The following ABCA13 variants were observed in gnomAD, a reference collection of about 807,000 sequenced individuals.
ABCA13 encodes the protein ATP-binding cassette sub-family A member 13.
A neutral mutation model predicts 478.7 loss-of-function variants in ABCA13; 476 were observed. The observed-to-expected ratio is 0.99, with a 90% CI of 0.92 to 1.07. ABCA13 has a LOEUF of 1.07. ABCA13 is among the 50% of genes least tolerant of loss of function. The pLI, the probability that ABCA13 is intolerant of heterozygous loss-of-function variation, is 0.00. For missense variants in ABCA13, 6,060 were observed against 5,910.6 expected, an observed-to-expected ratio of 1.03 and a Z score of -0.83; for synonymous variants, 2,252 against 2,158.9, an observed-to-expected ratio of 1.04 and a Z score of -1.20.
At chr7:48,439,392 T>C (rs546488574) in intron 42 of ABCA13, among the ~76,000 whole-genome samples, 1 of 152,282 alleles carries the variant, frequency 6.6e-6, no homozygotes, top group South Asian at 2.1e-4. Flanking sequence ...AATCATATTT[T>C]CTTTAAATTC....
At chr7:48,401,285 T>A (rs1290923885) in intron 38 of ABCA13, among the ~76,000 whole-genome samples, 3 of 152,180 alleles carry the variant, frequency 2.0e-5, no homozygotes, top group Non-Finnish European at 4.4e-5. Context: ...AGCTAACATT[T>A]AAAAAATAAA....
intron 13 of ABCA13, 64 bp from the exon 14 acceptor site, chr7:48,248,175 G>T: frequency 7.2e-7 from 1 of 1,385,982 alleles, no homozygotes; most frequent in Admixed American, 2.0e-5. Context: ...TCAAGGCTGC[G>T]TCTCAAATAC....
At position 48,424,585 on chromosome 7, in the gene ABCA13, A is replaced by G. The variant is rs372764806; in HGVS notation, c.12460-3181A>G. On this transcript the variant is annotated intron_variant, in intron 41 of 61. Coordinates refer to ENST00000435803, the MANE Select transcript of ABCA13 (RefSeq NM_152701.5). The stretch of plus-strand genomic sequence containing the variant: ...TGAACAACAACTTACTGATGACGCT[A>G]AGTGAGGACTTACTGTAAAATGATG... Among the ~76,000 whole-genome samples, 179 of 152,338 alleles carry G rather than the reference A, an allele frequency of 1.2e-3. 3 individuals carry two copies. In the South Asian group the frequency reaches 0.035, roughly 30 times the overall value.
intron 3 of ABCA13, among the ~76,000 whole-genome samples, chr7:48,205,499 CT>C (rs1231468131): frequency 6.6e-6 from 1 of 152,214 alleles, no homozygotes; most frequent in African/African-American, 2.4e-5. Context: ...TGCTGTCTTA[CT>C]GTAGCTTTCT....
intron 34 of ABCA13, among the ~76,000 whole-genome samples, chr7:48,375,259 C>T (rs1813283071): frequency 6.6e-6 from 1 of 152,100 alleles, no homozygotes; most frequent in Admixed American, 6.6e-5. Flanking sequence ...TCCCTGGTAC[C>T]AAAAAGGTTA....
chr7:48,548,897 A>T (rs923906936), intron 55 of ABCA13, among the ~76,000 whole-genome samples: 3 of 151,420 alleles, frequency 2.0e-5, no homozygotes, highest in Admixed American at 1.3e-4. Flanking sequence ...GAGTCTACTG[A>T]CTCACACAGG....
chr7:48,415,720 T>C (rs1819885597), intron 41 of ABCA13, among the ~76,000 whole-genome samples: 1 of 152,224 alleles, frequency 6.6e-6, no homozygotes, highest in Admixed American at 6.5e-5. Context: ...CAATATTTTA[T>C]GAATTTAAAT....
rs116201206 is a variant in ABCA13 at position 48,238,022 on chromosome 7, A to G, written c.898-1219A>G. On this transcript the variant is annotated intron_variant, in intron 8 of 61. Transcript: ENST00000435803. ...TTAATATTTTAAATCCTGATCCAAA[A>G]GGAACCTAAAAGTGAACACATGGGA... Among the ~76,000 whole-genome samples the G allele has an allele frequency of 5.0e-3, 765 of 152,376 alleles. 8 individuals are homozygous for G. Among genetic ancestry groups the G allele is most frequent in the African/African-American group, 0.017 (727 of 41,600 alleles).
chr7:48,585,617 A>C (rs1789105146), intron 56 of ABCA13, among the ~76,000 whole-genome samples: 1 of 152,140 alleles, frequency 6.6e-6, no homozygotes, highest in Non-Finnish European at 1.5e-5. Flanking sequence ...CATTATTGTT[A>C]TTATCCTAAC....
At chr7:48,615,054 T>C (rs1792427661) in intron 58 of ABCA13, among the ~76,000 whole-genome samples, 1 of 150,622 alleles carries the variant, frequency 6.6e-6, no homozygotes, top group African/African-American at 2.4e-5. Flanking sequence ...AATAAAAAAA[T>C]AAATAAATAA....
rs4022355 is a variant in ABCA13, at chr7:48,422,055, C to CAAA, written c.12460-5684_12460-5682dup. Among the ~76,000 whole-genome samples the CAAA allele has an allele frequency of 6.0e-4, 48 of 80,562 alleles. 3 individuals are homozygous for CAAA. The highest frequency in any genetic ancestry group is 1.2e-3 in the African/African-American group (27 of 22,954). 52.9% of individuals were successfully genotyped at this position (80,562 alleles called of 152,430 possible). ...AAACCCTAATCTGGTGTCTTTCTTA[C>CAAA]AAAAAAAAAAAAAAAAAAAAAAAAA... On this transcript the variant is annotated intron_variant, in intron 41 of 61. Transcript: ENST00000435803.
At chr7:48,562,513 A>C (rs1353085150) in intron 55 of ABCA13, among the ~76,000 whole-genome samples, 1 of 152,084 alleles carries the variant, frequency 6.6e-6, no homozygotes, top group Non-Finnish European at 1.5e-5. Flanking sequence ...AAAGAAGCAG[A>C]AATGACATAT....
intron 15 of ABCA13, among the ~76,000 whole-genome samples, chr7:48,268,440 T>C (rs1232226814): frequency 1.3e-5 from 2 of 152,130 alleles, no homozygotes; most frequent in African/African-American, 2.4e-5. Context: ...ATTACAGGCG[T>C]GAGCCACCAC....
intron 1 of ABCA13, among the ~76,000 whole-genome samples, chr7:48,171,779 G>A (rs533981322): frequency 6.6e-6 from 1 of 152,186 alleles, no homozygotes; most frequent in African/African-American, 2.4e-5. Context: ...TCAGAAAAGG[G>A]CAAATTTAGA....
chr7:48,269,830 C>T (rs1039055931), intron 16 of ABCA13, among the ~76,000 whole-genome samples: 1 of 152,226 alleles, frequency 6.6e-6, no homozygotes, highest in Non-Finnish European at 1.5e-5. Flanking sequence ...GAGAACCATT[C>T]TGCTATATCT....
intron 46 of ABCA13, among the ~76,000 whole-genome samples, chr7:48,482,704 T>C (rs1177301831): frequency 6.6e-6 from 1 of 152,176 alleles, no homozygotes; most frequent in African/African-American, 2.4e-5. Context: ...CAAGAAATTC[T>C]GAATAATGGA....
chr7:48,371,940 C>T (rs544514712), intron 32 of ABCA13, among the ~76,000 whole-genome samples: 6 of 152,232 alleles, frequency 3.9e-5, no homozygotes, highest in East Asian at 3.9e-4. Context: ...ATGAATGGCT[C>T]TTTTATAAAA....
At chr7:48,558,724 CTCAAAACGGCTATTTTGAAT>C (rs1786127648) in intron 55 of ABCA13, among the ~76,000 whole-genome samples, 1 of 152,042 alleles carries the variant, frequency 6.6e-6, no homozygotes, top group South Asian at 2.1e-4. Context: ...TTTGAGTTTC[CTCAAAACGGCTATTTTGAAT>C]TATCTATGTG....
chr7:48,555,542 T>C (rs1412658061), intron 55 of ABCA13, among the ~76,000 whole-genome samples: 1 of 151,940 alleles, frequency 6.6e-6, no homozygotes, highest in African/African-American at 2.4e-5. Flanking sequence ...AATTTCTTCA[T>C]GGTTCAATCT....
Sources: allele counts gnomAD v4.1 joint callset (sites outside exome capture counted in the v4.1 genomes callset), GRCh38; gene constraint gnomAD v4.1.1; transcripts MANE v1.5; gene names NCBI Gene and HGNC (gene_info 2026-07-23, HGNC 2026-07-21).